KLHL1: variants seen among roughly 807,000 people sequenced by gnomAD.
The protein encoded by KLHL1 is kelch like family member 1.
KLHL1 carries 47 observed loss-of-function variants against 77.7 expected under a neutral mutation model. That is an observed-to-expected ratio of 0.60 (90% CI 0.48 to 0.77). KLHL1 has a LOEUF of 0.77. Among genes scored for constraint, KLHL1 ranks in the 30% least tolerant of loss-of-function variants. The probability of loss-of-function intolerance (pLI) is 0.00; values close to 1 mark genes in which losing one functional copy is unlikely to be tolerated. For missense variants in KLHL1, 925 were observed against 910.8 expected, an observed-to-expected ratio of 1.02 and a Z score of -0.20; for synonymous variants, 360 against 325.2, an observed-to-expected ratio of 1.11 and a Z score of -1.15.
intron 1 of KLHL1, among the ~76,000 whole-genome samples, chr13:70,061,062 G>A (rs949597713): frequency 1.3e-5 from 2 of 151,948 alleles, no homozygotes; most frequent in Admixed American, 1.3e-4. Flanking sequence ...ATAGAATGCC[G>A]GTACCACAGG....
At chr13:70,068,384 T>G (rs1334115307) in intron 1 of KLHL1, among the ~76,000 whole-genome samples, 2 of 151,658 alleles carry the variant, frequency 1.3e-5, no homozygotes, top group Non-Finnish European at 2.9e-5. Flanking sequence ...AAAAAAGGAT[T>G]TTTAAAATTA....
At chr13:69,748,633 A>C (rs1022388514) in intron 7 of KLHL1, among the ~76,000 whole-genome samples, 3 of 152,046 alleles carry the variant, frequency 2.0e-5, no homozygotes, top group African/African-American at 7.2e-5. Flanking sequence ...AACGATATTT[A>C]AATGTTTTGT....
At position 69,976,487 on chromosome 13, in the gene KLHL1, CA is replaced by C. The variant is rs202112685; in HGVS notation, c.498-686del. Among the ~76,000 whole-genome samples, 312 of 151,148 alleles carry C rather than the reference CA, an allele frequency of 2.1e-3. 4 individuals carry two copies. In the East Asian group the frequency reaches 0.026, roughly 13 times the overall value. ...CATGTATTAATAATATAGACTGTTT[CA>C]AAAAAAATAACTTTAATAAGTGCTA... On this transcript the variant is annotated intron_variant, in intron 1 of 10. Transcript: ENST00000377844.
intron 6 of KLHL1, among the ~76,000 whole-genome samples, chr13:69,811,455 A>G (rs1412611212): frequency 6.6e-6 from 1 of 152,112 alleles, no homozygotes; most frequent in African/African-American, 2.4e-5. Context: ...TCCTAAACAA[A>G]CTACACATTG....
chr13:69,840,698 ATATGTATGTATGTATG>A (rs200339697), intron 5 of KLHL1, among the ~76,000 whole-genome samples: 1 of 146,276 alleles, frequency 6.8e-6, no homozygotes, highest in East Asian at 2.0e-4. Flanking sequence ...ATATATATAT[ATATGTATGTATGTATG>A]TATGTATGTA....
At chr13:69,808,431 C>G (rs771868928) in intron 6 of KLHL1, among the ~76,000 whole-genome samples, 1 of 152,106 alleles carries the variant, frequency 6.6e-6, no homozygotes, top group African/African-American at 2.4e-5. Flanking sequence ...ACTACACAAA[C>G]CTTTCTGCAA....
At chr13:69,863,992 G>C (rs916807799) in intron 5 of KLHL1, among the ~76,000 whole-genome samples, 1 of 151,796 alleles carries the variant, frequency 6.6e-6, no homozygotes, top group East Asian at 1.9e-4. Flanking sequence ...TATGAAAACT[G>C]TAATAAACAA....
At chr13:69,709,286 AC>A (rs1301853752) in intron 9 of KLHL1, among the ~76,000 whole-genome samples, 1 of 152,062 alleles carries the variant, frequency 6.6e-6, no homozygotes, top group African/African-American at 2.4e-5. Context: ...AAATATTTAA[AC>A]CTTTTCCACA....
At chr13:69,925,318 C>A (rs913167286) in intron 4 of KLHL1, among the ~76,000 whole-genome samples, 1 of 152,148 alleles carries the variant, frequency 6.6e-6, no homozygotes, top group Non-Finnish European at 1.5e-5. Flanking sequence ...ATGCTACTTA[C>A]AGCACTATTA....
chr13:69,970,580 CTA>C (rs565893976), intron 2 of KLHL1, among the ~76,000 whole-genome samples: 177 of 152,208 alleles, frequency 1.2e-3, no homozygotes, highest in African/African-American at 4.0e-3. Context: ...CTGTGGAAGT[CTA>C]TGTGTTCCTG....
chr13:69,750,791 A>G (rs534406472), intron 7 of KLHL1, among the ~76,000 whole-genome samples: 3 of 152,204 alleles, frequency 2.0e-5, no homozygotes, highest in African/African-American at 4.8e-5. Flanking sequence ...AATGTAATTT[A>G]TAGCATTTAG....
At chr13:69,991,669 T>C (rs1179376411) in intron 1 of KLHL1, among the ~76,000 whole-genome samples, 2 of 144,958 alleles carry the variant, frequency 1.4e-5, no homozygotes, top group African/African-American at 5.6e-5. Context: ...ATAAATAGCC[T>C]ATCAACCAAA....
At chr13:70,031,731 T>C (rs1039910364) in intron 1 of KLHL1, among the ~76,000 whole-genome samples, 3 of 152,156 alleles carry the variant, frequency 2.0e-5, no homozygotes, top group Non-Finnish European at 2.9e-5. Context: ...GGCTATTTGA[T>C]TGGAAGCTGT....
chr13:70,087,643 T>C (rs1362767936), intron 1 of KLHL1, among the ~76,000 whole-genome samples: 1 of 151,452 alleles, frequency 6.6e-6, no homozygotes, highest in Non-Finnish European at 1.5e-5. Flanking sequence ...AAGTCCACTG[T>C]TTCTTTTCAG....
At chr13:69,948,346 A>C (rs901070934) in intron 3 of KLHL1, among the ~76,000 whole-genome samples, 2 of 152,000 alleles carry the variant, frequency 1.3e-5, no homozygotes, top group African/African-American at 4.8e-5. Flanking sequence ...AATCCCCAGA[A>C]ATTTTTCTCC....
intron 7 of KLHL1, among the ~76,000 whole-genome samples, chr13:69,783,768 C>T (rs1280779864): frequency 7.0e-6 from 1 of 142,668 alleles, no homozygotes; most frequent in Non-Finnish European, 1.5e-5. Context: ...GGGATATTAT[C>T]CAGGAGAACT....
intron 7 of KLHL1, among the ~76,000 whole-genome samples, chr13:69,787,862 T>G (rs542453700): frequency 1.6e-4 from 25 of 152,244 alleles, no homozygotes; most frequent in Non-Finnish European, 2.9e-5. Context: ...GAACAGACAT[T>G]TCTGAAAAGA....
At chr13:69,865,216 C>A (rs961992343) in intron 5 of KLHL1, among the ~76,000 whole-genome samples, 1 of 152,056 alleles carries the variant, frequency 6.6e-6, no homozygotes, top group Middle Eastern at 3.2e-3. Flanking sequence ...AGATTGCAGG[C>A]CTGAGCCAGT....
intron 1 of KLHL1, among the ~76,000 whole-genome samples, chr13:70,023,665 C>T (rs544025636): frequency 6.6e-6 from 1 of 151,820 alleles, no homozygotes; most frequent in East Asian, 1.9e-4. Context: ...TTGTTTTGTC[C>T]CTGGTTGACT....
Sources: gnomAD v4.1 joint callset for allele counts (sites outside exome capture counted in the v4.1 genomes callset) on GRCh38, gnomAD v4.1.1 for gene constraint, MANE v1.5 for transcripts, NCBI Gene and HGNC (gene_info 2026-07-23, HGNC 2026-07-21) for gene names.